The following DIS3L2 variants were observed in gnomAD, a reference collection of about 807,000 sequenced individuals.
DIS3L2 encodes the protein DIS3 like 3'-5' exoribonuclease 2.
DIS3L2 carries 34 observed loss-of-function variants against 97.5 expected under a neutral mutation model. The observed-to-expected ratio is 0.35, with a 90% CI of 0.27 to 0.46. DIS3L2 has a LOEUF of 0.46. DIS3L2 is among the 20% of genes least tolerant of loss of function. The pLI, the probability that DIS3L2 is intolerant of heterozygous loss-of-function variation, is 1.00. For synonymous variants in DIS3L2, 435 were observed against 445.2 expected (o/e 0.98, Z 0.29); for missense variants, 1,038 against 1,146.0 (o/e 0.91, Z 1.36).
At chr2:232,029,828 T>A in intron 4 of DIS3L2, 151 bp from the exon 5 acceptor site, 2 of 580,034 alleles carry the variant, frequency 3.4e-6, no homozygotes, top group South Asian at 4.7e-5. Context: ...CATTTAGTAT[T>A]AAAAAGGTAT....
intron 10 of DIS3L2, among the ~76,000 whole-genome samples, chr2:232,231,549 A>C (rs962993012): frequency 5.9e-5 from 9 of 152,212 alleles, no homozygotes; most frequent in Non-Finnish European, 1.3e-4. Flanking sequence ...AAGAGAGAAA[A>C]AAATAATAAT....
At chr2:232,283,395 T>C (rs780631081) in intron 13 of DIS3L2, among the ~76,000 whole-genome samples, 76 of 152,180 alleles carry the variant, frequency 5.0e-4, no homozygotes, top group Non-Finnish European at 1.6e-4. Flanking sequence ...TAGCTGGGAT[T>C]ATAGGCACGT....
chr2:232,177,346 TG>T (rs1331327514), intron 9 of DIS3L2, among the ~76,000 whole-genome samples: 1 of 141,748 alleles, frequency 7.1e-6, no homozygotes, highest in Non-Finnish European at 1.5e-5. Flanking sequence ...CTGGGTCAAA[TG>T]GTATTTCTAG....
intron 5 of DIS3L2, among the ~76,000 whole-genome samples, chr2:232,076,448 A>G (rs1364290806): frequency 6.6e-6 from 1 of 152,124 alleles, no homozygotes; most frequent in Non-Finnish European, 1.5e-5. Flanking sequence ...TGGTATTATC[A>G]GAATTTTTGG....
intron 5 of DIS3L2, among the ~76,000 whole-genome samples, chr2:232,070,208 G>C: frequency 6.6e-6 from 1 of 152,230 alleles, no homozygotes; most frequent in South Asian, 2.1e-4. Flanking sequence ...GGAGGTTGCA[G>C]TGAGCCAAGA....
At chr2:232,134,022 A>G (rs1008503578) in intron 7 of DIS3L2, among the ~76,000 whole-genome samples, 4 of 149,980 alleles carry the variant, frequency 2.7e-5, no homozygotes, top group South Asian at 2.1e-4. Flanking sequence ...GGACCAAATG[A>G]GAAGTATAGT....
rs767015111 is a variant in DIS3L2, at chr2:232,014,896, A to G, written c.-32A>G. On this transcript the variant is annotated 5_prime_UTR_variant, in exon 2 of 21. Transcript: ENST00000325385. ...AGCTAAGCAGTGGAGGTTTCTCTGG[A>G]TCTGGAGAGAAGAGTGACCTTGGAG... 1 of 1,613,014 alleles carries G rather than the reference A, an allele frequency of 6.2e-7. No individual in the cohort carries two copies. Among genetic ancestry groups the G allele is most frequent in the African/African-American group, 1.3e-5 (1 of 74,874 alleles).
chr2:232,146,366 A>C (rs1414741634), intron 8 of DIS3L2, among the ~76,000 whole-genome samples: 1 of 152,186 alleles, frequency 6.6e-6, no homozygotes, highest in Non-Finnish European at 1.5e-5. Context: ...AATAGTTTGT[A>C]GTAGGATGCT....
chr2:232,147,440 T>C (rs1327978899), intron 8 of DIS3L2, among the ~76,000 whole-genome samples: 1 of 152,240 alleles, frequency 6.6e-6, no homozygotes, highest in Non-Finnish European at 1.5e-5. Flanking sequence ...CTTTCTTGTT[T>C]TTAAAAATCT....
chr2:232,301,967 TC>T (rs1694868422), intron 14 of DIS3L2, among the ~76,000 whole-genome samples: 1 of 151,116 alleles, frequency 6.6e-6, no homozygotes, highest in Non-Finnish European at 1.5e-5. Flanking sequence ...GTGTGAGTCA[TC>T]ATGCCCAGCC....
intron 5 of DIS3L2, among the ~76,000 whole-genome samples, chr2:232,062,905 C>T (rs985594137): frequency 6.6e-6 from 1 of 152,050 alleles, no homozygotes. Flanking sequence ...ATGGATATCT[C>T]CAATTCTAAC....
chr2:232,189,989 C>T (rs1012748013), intron 9 of DIS3L2, among the ~76,000 whole-genome samples: 6 of 152,040 alleles, frequency 3.9e-5, no homozygotes, highest in East Asian at 1.9e-4. Flanking sequence ...AGTTTGAACT[C>T]GGCTTTGAAG....
chr2:232,198,978 G>C (rs1212192738), intron 9 of DIS3L2, among the ~76,000 whole-genome samples: 8 of 151,980 alleles, frequency 5.3e-5, no homozygotes, highest in African/African-American at 1.9e-4. Context: ...TTCCTCCATA[G>C]CAATGAATTT....
chr2:232,004,402 C>G (rs1693993532), intron 1 of DIS3L2, among the ~76,000 whole-genome samples: 1 of 151,990 alleles, frequency 6.6e-6, no homozygotes, highest in Non-Finnish European at 1.5e-5. Context: ...TGTTGTTGTC[C>G]TGTAAGTCCA....
chr2:231,998,467 G>A (rs1345715171), intron 1 of DIS3L2, among the ~76,000 whole-genome samples: 1 of 152,136 alleles, frequency 6.6e-6, no homozygotes, highest in African/African-American at 2.4e-5. Flanking sequence ...TCAAACCATA[G>A]AACTGATGTT....
chr2:232,168,482 C>T (rs186513691), intron 9 of DIS3L2, among the ~76,000 whole-genome samples: 11 of 139,120 alleles, frequency 7.9e-5, no homozygotes, highest in Admixed American at 6.2e-4. Context: ...ATGGACTTTG[C>T]AGTAATCTTT....
At chr2:232,110,976 C>T (rs953215168) in intron 6 of DIS3L2, among the ~76,000 whole-genome samples, 5 of 152,074 alleles carry the variant, frequency 3.3e-5, no homozygotes, top group Non-Finnish European at 5.9e-5. Flanking sequence ...GGTACCAGCC[C>T]ACTGTAGTTA....
At chr2:232,078,685 G>T (rs1696290392) in intron 5 of DIS3L2, among the ~76,000 whole-genome samples, 1 of 152,140 alleles carries the variant, frequency 6.6e-6, no homozygotes, top group Admixed American at 6.5e-5. Flanking sequence ...ACTTAATTAT[G>T]CAAGTTTCTA....
chr2:231,972,465 T>A (rs1057203674), intron 1 of DIS3L2, among the ~76,000 whole-genome samples: 38 of 152,204 alleles, frequency 2.5e-4, no homozygotes, highest in Admixed American at 2.5e-3. Context: ...TTCCCTATAA[T>A]CTTATGGGAC....
Sources: gnomAD v4.1 joint callset for allele counts (sites outside exome capture counted in the v4.1 genomes callset) on GRCh38, gnomAD v4.1.1 for gene constraint, MANE v1.5 for transcripts, NCBI Gene and HGNC (gene_info 2026-07-23, HGNC 2026-07-21) for gene names.